The following DGKB variants were observed in gnomAD, a reference collection of about 807,000 sequenced individuals.
DGKB encodes the protein diacylglycerol kinase beta.
A neutral mutation model predicts 114.3 loss-of-function variants in DGKB; 67 were observed. The observed-to-expected ratio is 0.59, with a 90% CI of 0.48 to 0.72. The LOEUF is 0.72. Among genes scored for constraint, DGKB ranks in the 30% least tolerant of loss-of-function variants. The pLI is 0.00. For missense variants in DGKB, 907 were observed against 975.2 expected, an observed-to-expected ratio of 0.93 and a Z score of 0.93; for synonymous variants, 398 against 323.1, an observed-to-expected ratio of 1.23 and a Z score of -2.49.
At chr7:14,226,505 C>T (rs1267909802) in intron 23 of DGKB, among the ~76,000 whole-genome samples, 2 of 151,946 alleles carry the variant, frequency 1.3e-5, no homozygotes, top group African/African-American at 4.8e-5. Flanking sequence ...AGCAATTATA[C>T]ATTGCTTTAA....
rs114025617 is a variant in DGKB, at chr7:14,197,878, G to A, written c.2123-19727C>T. 1.2e-3 allele frequency among the ~76,000 whole-genome samples: 187 copies of A among 152,188 alleles called. 2 individuals are homozygous for A. Among genetic ancestry groups the A allele is most frequent in the African/African-American group, 4.3e-3 (179 of 41,550 alleles). On this transcript the variant is annotated intron_variant, in intron 23 of 25. Coordinates refer to ENST00000402815, the MANE Select transcript of DGKB (RefSeq NM_001350709.2). Reference sequence around the variant, plus strand: ...AAAAGGTAGGTAATATTGAGCAAATGCTACAAATGGAATCATAACTTCTTT... The same window carrying A: ...AAAAGGTAGGTAATATTGAGCAAATACTACAAATGGAATCATAACTTCTTT...
intron 1 of DGKB, among the ~76,000 whole-genome samples, chr7:14,844,910 C>T (rs527404115): frequency 6.6e-6 from 1 of 151,906 alleles, no homozygotes; most frequent in Non-Finnish European, 1.5e-5. Context: ...AGTTCTAGAC[C>T]AGCCTGGGCA....
chr7:14,346,089 G>A (rs1164725368), intron 21 of DGKB, among the ~76,000 whole-genome samples: 1 of 151,590 alleles, frequency 6.6e-6, no homozygotes, highest in Non-Finnish European at 1.5e-5. Context: ...GACAATACAT[G>A]TAAGTGACAG....
At chr7:14,632,906 G>T (rs1810021170) in intron 13 of DGKB, among the ~76,000 whole-genome samples, 1 of 151,710 alleles carries the variant, frequency 6.6e-6, no homozygotes. Context: ...GTTCCTTTTG[G>T]GTCTCAAATG....
intron 16 of DGKB, among the ~76,000 whole-genome samples, 176 bp downstream of exon 16, chr7:14,613,164 A>G (rs538099260): frequency 6.6e-6 from 1 of 152,306 alleles, no homozygotes; most frequent in Admixed American, 6.5e-5. Flanking sequence ...AGGCCATTGT[A>G]TTAAAATTTC....
intron 2 of DGKB, among the ~76,000 whole-genome samples, chr7:14,762,259 G>T (rs1053673214): frequency 6.6e-6 from 1 of 152,086 alleles, no homozygotes; most frequent in African/African-American, 2.4e-5. Flanking sequence ...ATGGGGAGAT[G>T]AGTTGACTTT....
chr7:14,443,223 T>C (rs1190369830), intron 21 of DGKB, among the ~76,000 whole-genome samples: 1 of 152,144 alleles, frequency 6.6e-6, no homozygotes, highest in Non-Finnish European at 1.5e-5. Flanking sequence ...TTTGGAAGAA[T>C]AGAGTAACCT....
At chr7:14,501,871 T>C (rs1289947443) in intron 20 of DGKB, among the ~76,000 whole-genome samples, 4 of 151,920 alleles carry the variant, frequency 2.6e-5, no homozygotes, top group African/African-American at 9.7e-5. Context: ...AGGAACCCCA[T>C]CTATATCCTG....
chr7:14,199,664 A>T (rs575338757), intron 23 of DGKB, among the ~76,000 whole-genome samples: 64 of 152,204 alleles, frequency 4.2e-4, no homozygotes, highest in African/African-American at 1.3e-3. Context: ...GGATTCAATT[A>T]GTAAGTAGAA....
intron 20 of DGKB, among the ~76,000 whole-genome samples, chr7:14,554,669 T>A (rs1425765593): frequency 6.6e-6 from 1 of 152,184 alleles, no homozygotes; most frequent in Non-Finnish European, 1.5e-5. Flanking sequence ...TCAATAAGTA[T>A]GACAGCATCA....
intron 5 of DGKB, among the ~76,000 whole-genome samples, chr7:14,729,550 G>C (rs992259771): frequency 2.0e-5 from 3 of 152,096 alleles, no homozygotes; most frequent in African/African-American, 7.2e-5. Flanking sequence ...TTTTTGAATA[G>C]AAATGTGTAT....
At chr7:14,842,708 C>T (rs1848103799) in intron 1 of DGKB, among the ~76,000 whole-genome samples, 1 of 152,194 alleles carries the variant, frequency 6.6e-6, no homozygotes, top group Non-Finnish European at 1.5e-5. Context: ...TTCTGTCCTC[C>T]TCTAACCAAA....
chr7:14,408,627 C>T (rs1360127625), intron 21 of DGKB, among the ~76,000 whole-genome samples: 2 of 152,058 alleles, frequency 1.3e-5, no homozygotes, highest in African/African-American at 4.8e-5. Context: ...TCTTCTAGCT[C>T]ACTGATTCTT....
chr7:14,616,338 G>T (rs186115520), intron 15 of DGKB, among the ~76,000 whole-genome samples: 3 of 151,020 alleles, frequency 2.0e-5, no homozygotes, highest in African/African-American at 7.3e-5. Flanking sequence ...ACCTAAATGG[G>T]ATATGAGGTA....
intron 5 of DGKB, among the ~76,000 whole-genome samples, chr7:14,719,637 A>G (rs1230626791): frequency 6.6e-6 from 1 of 152,070 alleles, no homozygotes; most frequent in Non-Finnish European, 1.5e-5. Flanking sequence ...CCCTGTTCTT[A>G]GCACAGATCT....
chr7:14,500,277 T>A (rs916378700), intron 20 of DGKB, among the ~76,000 whole-genome samples: 1 of 151,842 alleles, frequency 6.6e-6, no homozygotes, highest in African/African-American at 2.4e-5. Flanking sequence ...AAACTTCACC[T>A]TTTTGATAAA....
intron 21 of DGKB, among the ~76,000 whole-genome samples, chr7:14,412,656 T>C (rs1052845086): frequency 6.6e-6 from 1 of 152,070 alleles, no homozygotes; most frequent in African/African-American, 2.4e-5. Flanking sequence ...TAGGAAAACA[T>C]CACTTTAACT....
At chr7:14,419,287 A>T (rs533348619) in intron 21 of DGKB, among the ~76,000 whole-genome samples, 2 of 152,134 alleles carry the variant, frequency 1.3e-5, no homozygotes, top group East Asian at 3.9e-4. Flanking sequence ...ACACATTTTT[A>T]AATTTAGAGT....
At chr7:14,737,407 T>C (rs1020037228) in intron 4 of DGKB, among the ~76,000 whole-genome samples, 2 of 151,722 alleles carry the variant, frequency 1.3e-5, no homozygotes, top group African/African-American at 4.8e-5. Flanking sequence ...AAAATTAACT[T>C]TGGAATAGAA....
Sources: gnomAD v4.1 joint callset for allele counts (sites outside exome capture counted in the v4.1 genomes callset) on GRCh38, gnomAD v4.1.1 for gene constraint, MANE v1.5 for transcripts, NCBI Gene and HGNC (gene_info 2026-07-23, HGNC 2026-07-21) for gene names.